SMYD3: variants seen among roughly 807,000 people sequenced by gnomAD.
SMYD3 encodes histone-lysine N-methyltransferase SMYD3.
In SMYD3, 36 loss-of-function variants were observed where a neutral mutation model predicts 57.7. The observed-to-expected ratio is 0.62, with a 90% CI of 0.48 to 0.82. The LOEUF (loss-of-function observed/expected upper bound fraction) is 0.82. SMYD3 is among the 40% of genes least tolerant of loss of function. The pLI is 0.00. For missense variants in SMYD3, 515 were observed against 538.8 expected (o/e 0.96, Z 0.44); for synonymous variants, 211 against 195.0 (o/e 1.08, Z -0.68).
chr1:246,392,417 A>G (rs1413571860), intron 1 of SMYD3, among the ~76,000 whole-genome samples: 1 of 152,134 alleles, frequency 6.6e-6, no homozygotes, highest in African/African-American at 2.4e-5. Flanking sequence ...ACATATATCA[A>G]TTATTTCAAT....
intron 8 of SMYD3, among the ~76,000 whole-genome samples, chr1:245,884,776 G>C (rs1024279720): frequency 2.1e-4 from 4 of 18,658 alleles, no homozygotes; most frequent in African/African-American, 7.0e-4. Context: ...TCTGTGTCTA[G>C]CTAAAGGATT....
intron 5 of SMYD3, among the ~76,000 whole-genome samples, chr1:246,207,243 T>C (rs1302158304): frequency 2.0e-5 from 3 of 152,074 alleles, no homozygotes; most frequent in African/African-American, 7.3e-5. Flanking sequence ...GTGTAGGTCA[T>C]TCATATGTTT....
chr1:246,333,045 A>T (rs945224637), intron 3 of SMYD3, among the ~76,000 whole-genome samples: 1 of 152,172 alleles, frequency 6.6e-6, no homozygotes, highest in Non-Finnish European at 1.5e-5. Flanking sequence ...ACTTTTTTTT[A>T]GGGACTAATG....
chr1:246,073,503 GC>G (rs1254306297), intron 5 of SMYD3, among the ~76,000 whole-genome samples: 1 of 152,048 alleles, frequency 6.6e-6, no homozygotes, highest in Non-Finnish European at 1.5e-5. Context: ...GATCGCTTGA[GC>G]CCAGGAGTTC....
chr1:246,216,107 G>A (rs1216986327), intron 5 of SMYD3, among the ~76,000 whole-genome samples: 2 of 151,964 alleles, frequency 1.3e-5, no homozygotes, highest in Non-Finnish European at 2.9e-5. Flanking sequence ...GGCCAACATG[G>A]TGAAACCCCG....
chr1:245,862,773 T>C (rs1161524987), intron 9 of SMYD3, among the ~76,000 whole-genome samples: 1 of 152,232 alleles, frequency 6.6e-6, no homozygotes, highest in Admixed American at 6.5e-5. Flanking sequence ...AAAGTCTCGA[T>C]ACAAACTTTA....
chr1:245,786,213 C>CGGA lies in SMYD3; in HGVS notation c.1077-22065_1077-22064insTCC, dbSNP rs1553321335. Among the ~76,000 whole-genome samples, 16 of 104,070 alleles carry CGGA rather than the reference C, an allele frequency of 1.5e-4. No homozygotes were observed. In the South Asian group the frequency reaches 4.8e-3, roughly 31 times the overall value. 68.3% of individuals were successfully genotyped at this position (104,070 alleles called of 152,430 possible). A position where few individuals can be genotyped will look rare whatever the true frequency, so the allele number is the denominator to read the frequency against. On this transcript the variant is annotated intron_variant, in intron 10 of 11. Transcript: ENST00000490107. ...GCACTGAGTTGAGTTGGGGTGTGGA[C>CGGA]GGGGGGGGGATGGTGGCAACAGAAT...
chr1:246,028,502 GTATC>G (rs1228451431), intron 5 of SMYD3, among the ~76,000 whole-genome samples: 1 of 152,064 alleles, frequency 6.6e-6, no homozygotes, highest in Non-Finnish European at 1.5e-5. Context: ...CATAAATAAA[GTATC>G]TAACAATAAA....
chr1:245,807,053 T>G (rs1436827864), intron 10 of SMYD3, among the ~76,000 whole-genome samples: 1 of 144,960 alleles, frequency 6.9e-6, no homozygotes, highest in Non-Finnish European at 1.5e-5. Flanking sequence ...CAGTCAAGAG[T>G]GGGGTGTGGT....
chr1:246,215,927 C>CT (rs2063156664), intron 5 of SMYD3, among the ~76,000 whole-genome samples: 1 of 152,022 alleles, frequency 6.6e-6, no homozygotes, highest in South Asian at 2.1e-4. Context: ...ATTGTATACT[C>CT]TAACAGTCAA....
rs151301440 is a variant in SMYD3, at chr1:245,894,874, A to G, written c.813+20656T>C. On this transcript the variant is annotated intron_variant, in intron 8 of 11. Coordinates refer to ENST00000490107, the MANE Select transcript of SMYD3 (RefSeq NM_001167740.2). ...GCAAGAACTGGAAAGGTGAGACAGAATTCACGACACCACAAATTGTGGAGA... is the reference window on the plus strand; with the variant it reads ...GCAAGAACTGGAAAGGTGAGACAGAGTTCACGACACCACAAATTGTGGAGA... 5.3e-5 allele frequency among the ~76,000 whole-genome samples: 8 copies of G among 152,332 alleles called. No individual in the cohort carries two copies. In the East Asian group the frequency reaches 1.5e-3, roughly 29 times the overall value.
chr1:246,415,035 T>G (rs898033572), intron 1 of SMYD3, among the ~76,000 whole-genome samples: 1 of 152,230 alleles, frequency 6.6e-6, no homozygotes, highest in African/African-American at 2.4e-5. Context: ...GTTTTTGACA[T>G]CCACATTGGG....
At chr1:245,775,031 T>A (rs2046513723) in intron 10 of SMYD3, among the ~76,000 whole-genome samples, 1 of 152,064 alleles carries the variant, frequency 6.6e-6, no homozygotes, top group African/African-American at 2.4e-5. Flanking sequence ...TGGAGTGCAG[T>A]GGCGTGATCT....
At chr1:246,456,364 T>A (rs1222826420) in intron 1 of SMYD3, among the ~76,000 whole-genome samples, 1 of 152,168 alleles carries the variant, frequency 6.6e-6, no homozygotes, top group Non-Finnish European at 1.5e-5. Flanking sequence ...AGGCATGAAT[T>A]TGTTGTTTAG....
chr1:246,352,970 CTCTGTTTAA>C (rs2065854967), intron 2 of SMYD3, among the ~76,000 whole-genome samples: 1 of 152,182 alleles, frequency 6.6e-6, no homozygotes, highest in Non-Finnish European at 1.5e-5. Context: ...TCTCTATGTA[CTCTGTTTAA>C]TCTGAAGTTC....
intron 1 of SMYD3, among the ~76,000 whole-genome samples, chr1:246,486,276 C>G (rs186076025): frequency 2.8e-4 from 42 of 152,276 alleles, no homozygotes; most frequent in Non-Finnish European, 1.3e-4. Context: ...CAGAATCTAT[C>G]TGACAACAAA....
intron 1 of SMYD3, among the ~76,000 whole-genome samples, chr1:246,438,881 G>A (rs1051057597): frequency 1.5e-4 from 22 of 151,674 alleles, no homozygotes; most frequent in South Asian, 4.2e-4. Context: ...TCACGCTCCC[G>A]TGAGAATCTA....
At chr1:246,496,123 G>A (rs1420263160) in intron 1 of SMYD3, among the ~76,000 whole-genome samples, 1 of 151,804 alleles carries the variant, frequency 6.6e-6, no homozygotes, top group East Asian at 1.9e-4. Context: ...CGTAACCTCT[G>A]CCTCCCGGGT....
intron 5 of SMYD3, chr1:246,187,010 G>C: frequency 1.2e-6 from 1 of 859,914 alleles, no homozygotes; most frequent in Non-Finnish European, 1.4e-6. Flanking sequence ...AACATACAAA[G>C]TAGGTGTGAT....
Sources: gnomAD v4.1 joint callset for allele counts (sites outside exome capture counted in the v4.1 genomes callset) on GRCh38, gnomAD v4.1.1 for gene constraint, MANE v1.5 for transcripts, NCBI Gene and HGNC (gene_info 2026-07-23, HGNC 2026-07-21) for gene names.